FBXL17: variants seen among roughly 807,000 people sequenced by gnomAD.
FBXL17 encodes F-box/LRR-repeat protein 17.
A neutral mutation model predicts 66.2 loss-of-function variants in FBXL17; 22 were observed. The observed-to-expected ratio is 0.33, with a 90% CI of 0.24 to 0.47. The LOEUF (loss-of-function observed/expected upper bound fraction) is 0.47. Ranked by LOEUF, FBXL17 falls within the 20% of genes least tolerant of loss-of-function variation. The probability of loss-of-function intolerance (pLI) is 1.00; values close to 1 mark genes in which losing one functional copy is unlikely to be tolerated. For synonymous variants in FBXL17, 474 were observed against 400.5 expected (o/e 1.18, Z -2.19); for missense variants, 878 against 948.2 (o/e 0.93, Z 0.97).
intron 6 of FBXL17, among the ~76,000 whole-genome samples, chr5:108,115,206 G>C (rs1484884911): frequency 3.3e-5 from 5 of 152,074 alleles, no homozygotes; most frequent in East Asian, 1.9e-4. Flanking sequence ...CCTCTTCCTA[G>C]TACCCAGAGG....
chr5:108,108,256 T>G (rs1033601730), intron 6 of FBXL17, among the ~76,000 whole-genome samples: 1 of 152,346 alleles, frequency 6.6e-6, no homozygotes. Context: ...TATTTCTACT[T>G]GTCCATTATC....
In FBXL17 at chr5:108,049,275, T is replaced by G. The variant is rs532021201; in HGVS notation, c.1746-28274A>C. Among the ~76,000 whole-genome samples, 7 of 152,004 alleles carry G rather than the reference T, an allele frequency of 4.6e-5. No individual in the cohort carries two copies. In the South Asian group the frequency reaches 1.5e-3, roughly 32 times the overall value. ...CCCCTGCCTTAGCCTCCCAAGTAGA[T>G]GGGATTACAGGCACCCACCACCACA... is the stretch of plus-strand genomic sequence containing the variant. On this transcript the variant is annotated intron_variant, in intron 6 of 8. Transcript: ENST00000542267.
At chr5:107,971,090 G>C (rs1752354257) in intron 7 of FBXL17, among the ~76,000 whole-genome samples, 1 of 152,128 alleles carries the variant, frequency 6.6e-6, no homozygotes, top group Non-Finnish European at 1.5e-5. Flanking sequence ...CAAAAGGATT[G>C]ATATATGAGG....
chr5:108,080,330 T>C (rs995909771), intron 6 of FBXL17, among the ~76,000 whole-genome samples: 1 of 151,808 alleles, frequency 6.6e-6, no homozygotes, highest in Non-Finnish European at 1.5e-5. Flanking sequence ...CTGAAATTAA[T>C]GTTTTCAACC....
rs189691877 is a variant in FBXL17, at chr5:107,887,624, C to G, written c.1823-6445G>C. On this transcript the variant is annotated intron_variant, in intron 7 of 8. Coordinates refer to ENST00000542267, the MANE Select transcript of FBXL17 (RefSeq NM_001163315.3). ...TGAAACGTGCTCTTCTTTGTAGAAG[C>G]CACAGAAGCTCCAAAAACAAAGAAA... Among the ~76,000 whole-genome samples the G allele has an allele frequency of 6.4e-4, 97 of 152,276 alleles. 2 individuals carry two copies. In the East Asian group the frequency reaches 0.018, roughly 28 times the overall value.
At chr5:108,378,025 G>C (rs1749566098) in intron 1 of FBXL17, among the ~76,000 whole-genome samples, 1 of 152,184 alleles carries the variant, frequency 6.6e-6, no homozygotes, top group African/African-American at 2.4e-5. Flanking sequence ...AGAAATTTAA[G>C]ATGTGGGTAA....
chr5:108,183,169 T>C lies in FBXL17; in HGVS notation c.1745+2948A>G, dbSNP rs186587005. ...GATTCTCCTTCCTCAGCCTCCAGAG[T>C]AGCCGGGATTACAGGCATGTGCCAC... On this transcript the variant is annotated intron_variant, in intron 6 of 8. Coordinates refer to ENST00000542267, the MANE Select transcript of FBXL17 (RefSeq NM_001163315.3). Among the ~76,000 whole-genome samples, 666 of 151,420 alleles carry C rather than the reference T, an allele frequency of 4.4e-3. 17 individuals are homozygous for C. Among genetic ancestry groups the C allele is most frequent in the Admixed American group, 0.039 (585 of 15,114 alleles).
At chr5:108,331,054 A>G (rs886465364) in intron 4 of FBXL17, among the ~76,000 whole-genome samples, 2 of 152,056 alleles carry the variant, frequency 1.3e-5, no homozygotes, top group South Asian at 2.1e-4. Context: ...CTCCATCTCA[A>G]AAAAAAATGT....
chr5:108,040,115 C>A (rs957314547), intron 6 of FBXL17, among the ~76,000 whole-genome samples: 1 of 151,956 alleles, frequency 6.6e-6, no homozygotes, highest in Admixed American at 6.6e-5. Flanking sequence ...AATCAGAAAG[C>A]GCCTTTTCAA....
chr5:108,047,353 G>A (rs985338567), intron 6 of FBXL17, among the ~76,000 whole-genome samples: 3 of 152,192 alleles, frequency 2.0e-5, no homozygotes, highest in African/African-American at 7.2e-5. Context: ...CGGGGACCTA[G>A]GGTCCCAACC....
intron 7 of FBXL17, among the ~76,000 whole-genome samples, chr5:107,962,323 C>T (rs991417935): frequency 1.3e-5 from 2 of 152,036 alleles, no homozygotes; most frequent in Non-Finnish European, 2.9e-5. Context: ...TAGAGTAAAA[C>T]AGCATTAATG....
chr5:108,195,398 C>G (rs1050563985), intron 5 of FBXL17, among the ~76,000 whole-genome samples: 2 of 152,020 alleles, frequency 1.3e-5, no homozygotes, highest in South Asian at 4.2e-4. Context: ...TGCAAAGGCC[C>G]TGAGATGGAA....
Position 107,966,403 on chromosome 5 carries a change from T to C in FBXL17, c.1822+54522A>G, listed in dbSNP as rs934320191. On this transcript the variant is annotated intron_variant, in intron 7 of 8. Transcript: ENST00000542267. Reference sequence around the variant, plus strand: ...CTAATTCAATCTTCCAAGAGCATCATTTCCTGCCAGGATGGAAGTGGTGAG... The same window carrying C: ...CTAATTCAATCTTCCAAGAGCATCACTTCCTGCCAGGATGGAAGTGGTGAG... 3.3e-5 allele frequency among the ~76,000 whole-genome samples: 5 copies of C among 152,184 alleles called. No individual in the cohort carries two copies. The South Asian group carries it at 6.2e-4, about 19-fold the overall frequency.
intron 7 of FBXL17, among the ~76,000 whole-genome samples, chr5:108,020,589 G>T (rs1266476069): frequency 1.3e-5 from 2 of 151,604 alleles, no homozygotes; most frequent in African/African-American, 2.4e-5. Context: ...AATTTTCTTA[G>T]TTATATTTAT....
chr5:108,134,784 T>C (rs983483112), intron 6 of FBXL17, among the ~76,000 whole-genome samples: 4 of 152,200 alleles, frequency 2.6e-5, no homozygotes, highest in Non-Finnish European at 4.4e-5. Flanking sequence ...GCTCCTGAAT[T>C]CCCCACAGGT....
chr5:108,232,805 A>ATATATATATATATATATATATAT (rs70996987), intron 4 of FBXL17, among the ~76,000 whole-genome samples: 17 of 105,144 alleles, frequency 1.6e-4, no homozygotes, highest in Non-Finnish European at 2.0e-4. Context: ...ATATATATAT[A>ATATATATATATATATATATATAT]ATATATACTA....
chr5:107,925,502 A>G (rs1750496873), intron 7 of FBXL17, among the ~76,000 whole-genome samples: 1 of 152,196 alleles, frequency 6.6e-6, no homozygotes, highest in African/African-American at 2.4e-5. Flanking sequence ...TTGGCCCCAC[A>G]GCATGCCTGG....
chr5:107,958,636 T>A (rs1387831004), intron 7 of FBXL17, among the ~76,000 whole-genome samples: 1 of 152,182 alleles, frequency 6.6e-6, no homozygotes, highest in African/African-American at 2.4e-5. Context: ...CAAGCAATGG[T>A]GCAAGAGCTG....
rs1304345784 is a variant in FBXL17, at chr5:108,244,251, T to C, written c.1507-20023A>G. 2.0e-5 allele frequency among the ~76,000 whole-genome samples: 3 copies of C among 152,284 alleles called. No homozygotes were observed. In the East Asian group the frequency reaches 5.8e-4, roughly 29 times the overall value. ...ATATCCTTTCTTAACTGGCTGGTCATAATATGGAAGCATTTTAAGTATAAT... is the reference window on the plus strand; with the variant it reads ...ATATCCTTTCTTAACTGGCTGGTCACAATATGGAAGCATTTTAAGTATAAT... On this transcript the variant is annotated intron_variant, in intron 4 of 8. Coordinates refer to ENST00000542267, the MANE Select transcript of FBXL17 (RefSeq NM_001163315.3).
Sources: allele counts gnomAD v4.1 joint callset (sites outside exome capture counted in the v4.1 genomes callset), GRCh38; gene constraint gnomAD v4.1.1; transcripts MANE v1.5; gene names NCBI Gene and HGNC (gene_info 2026-07-23, HGNC 2026-07-21).